Variants in NCAM1 observed in about 807,000 individuals in gnomAD.
NCAM1 encodes the protein antigen recognized by monoclonal antibody 5.1H11.
A neutral mutation model predicts 109.8 loss-of-function variants in NCAM1; 14 were observed. The ratio of observed to expected loss-of-function variants is 0.13; its 90% CI spans 0.08 to 0.20. The LOEUF (loss-of-function observed/expected upper bound fraction) is 0.20. Ranked by LOEUF, NCAM1 falls within the 10% of genes least tolerant of loss-of-function variation. NCAM1 has a pLI of 1.00. For synonymous variants in NCAM1, 418 were observed against 442.9 expected, an observed-to-expected ratio of 0.94 and a Z score of 0.70; for missense variants, 774 against 1,109.9, an observed-to-expected ratio of 0.70 and a Z score of 4.30.
intron 1 of NCAM1, among the ~76,000 whole-genome samples, chr11:113,187,825 A>T (rs1943560157): frequency 1.3e-5 from 2 of 152,152 alleles, no homozygotes; most frequent in East Asian, 3.8e-4. Context: ...TTCTCGGGCC[A>T]TTTATTCTGG....
intron 1 of NCAM1, among the ~76,000 whole-genome samples, chr11:113,177,332 G>A (rs1202320709): frequency 6.6e-6 from 1 of 152,138 alleles, no homozygotes; most frequent in African/African-American, 2.4e-5. Flanking sequence ...CCTACCTTAT[G>A]TGGGCTGAAA....
Position 113,273,298 on chromosome 11 carries a change from C to T in NCAM1, c.2456+1422C>T, listed in dbSNP as rs1591479350. On this transcript the variant is annotated intron_variant, in intron 19 of 19. Coordinates refer to ENST00000316851, the MANE Select transcript of NCAM1 (RefSeq NM_181351.5). This position sits in a 1 kb window ranked among gnomAD's most constrained non-coding sequence, Gnocchi z 6.0. ...CAAGGGGCTGTCCTCAGCCCAAGCGCCCCTGCTGGTGTCGGGGAGGCCTCT... is the reference window on the plus strand; with the variant it reads ...CAAGGGGCTGTCCTCAGCCCAAGCGTCCCTGCTGGTGTCGGGGAGGCCTCT... 2.9e-6 allele frequency: 1 copy of T among 349,010 alleles called. No homozygotes were observed. Among genetic ancestry groups the T allele is most frequent in the East Asian group, 7.6e-5 (1 of 13,194 alleles). 21.6% of individuals were successfully genotyped at this position (349,010 alleles called of 1,614,324 possible). A position where few individuals can be genotyped will look rare whatever the true frequency, so the allele number is the denominator to read the frequency against.
In NCAM1 at chr11:112,961,533, G is replaced by T. The variant is rs1241829883; in HGVS notation, c.-80G>T. 4 of 924,936 alleles carry T rather than the reference G, an allele frequency of 4.3e-6. No individual in the cohort carries two copies. The highest frequency in any genetic ancestry group is 3.4e-5 in the Admixed American group (2 of 58,846). 57.3% of individuals were successfully genotyped at this position (924,936 alleles called of 1,614,324 possible). A position where few individuals can be genotyped will look rare whatever the true frequency, so the allele number is the denominator to read the frequency against. On this transcript the variant is annotated 5_prime_UTR_variant, in exon 1 of 20. Coordinates refer to ENST00000316851, the MANE Select transcript of NCAM1 (RefSeq NM_181351.5). The stretch of plus-strand genomic sequence containing the variant: ...TGTCTGCCCCTAGGTCTGTCGCTCA[G>T]CCGCCGTCCACACTCGCTGCAGGGG...
intron 1 of NCAM1, among the ~76,000 whole-genome samples, chr11:113,183,096 C>T (rs782820123): frequency 2.0e-5 from 3 of 152,204 alleles, no homozygotes; most frequent in Non-Finnish European, 4.4e-5. Flanking sequence ...GAGCTGAGAC[C>T]TTCCTGGCAA....
At chr11:113,116,261 A>G (rs1940704124) in intron 1 of NCAM1, among the ~76,000 whole-genome samples, 1 of 152,226 alleles carries the variant, frequency 6.6e-6, no homozygotes, top group Non-Finnish European at 1.5e-5. Context: ...CTTGAGTACT[A>G]TCTATTTTTC....
intron 1 of NCAM1, among the ~76,000 whole-genome samples, chr11:113,197,850 C>T (rs994666378): frequency 6.6e-6 from 1 of 152,118 alleles, no homozygotes; most frequent in African/African-American, 2.4e-5. Flanking sequence ...GTTGCTTTGC[C>T]CACCTCTTCT....
intron 1 of NCAM1, among the ~76,000 whole-genome samples, chr11:113,000,817 C>CATACATAT (rs1951728419): frequency 7.7e-6 from 1 of 129,458 alleles, no homozygotes; most frequent in African/African-American, 3.2e-5. Flanking sequence ...ATTATATATA[C>CATACATAT]ATATATATAT....
chr11:113,130,737 A>T (rs910751745), intron 1 of NCAM1: 3 of 152,198 alleles, frequency 2.0e-5, no homozygotes, highest in African/African-American at 7.2e-5. Flanking sequence ...AGTAGTACAC[A>T]TTGCAACTGC....
At chr11:113,214,805 G>A (rs1272471504) in intron 8 of NCAM1, among the ~76,000 whole-genome samples, 3 of 152,178 alleles carry the variant, frequency 2.0e-5, no homozygotes, top group Non-Finnish European at 2.9e-5. Context: ...CAGAGTTATG[G>A]AGCTGTGAGG....
At chr11:113,100,310 C>G (rs1358525947) in intron 1 of NCAM1, among the ~76,000 whole-genome samples, 1 of 152,068 alleles carries the variant, frequency 6.6e-6, no homozygotes, top group Non-Finnish European at 1.5e-5. Flanking sequence ...CTTTTGGGCT[C>G]TGGCCCCACA....
At chr11:113,231,561 C>T (rs1945006347) in intron 9 of NCAM1, 84 bp from the exon 10 acceptor site, 6 of 1,380,528 alleles carry the variant, frequency 4.3e-6, no homozygotes. Context: ...GGCCTAGTCT[C>T]CCAGCCCCCA....
At chr11:113,141,447 C>G (rs1442784470) in intron 1 of NCAM1, among the ~76,000 whole-genome samples, 5 of 152,080 alleles carry the variant, frequency 3.3e-5, no homozygotes, top group Non-Finnish European at 7.4e-5. Flanking sequence ...CTGGCTAACA[C>G]GGTGAAACCC....
chr11:113,065,314 A>G (rs1937897188), intron 1 of NCAM1, among the ~76,000 whole-genome samples: 1 of 152,240 alleles, frequency 6.6e-6, no homozygotes, highest in Non-Finnish European at 1.5e-5. Context: ...CACATGCAAA[A>G]GAATTTTAAA....
chr11:113,166,785 G>A (rs1942813319), intron 1 of NCAM1, among the ~76,000 whole-genome samples: 1 of 152,056 alleles, frequency 6.6e-6, no homozygotes, highest in African/African-American at 2.4e-5. Context: ...AAAAAACACT[G>A]GCTCTATTCT....
At position 113,101,491 on chromosome 11, in the gene NCAM1, A is replaced by T. The variant is rs545511422; in HGVS notation, c.53-100888A>T. 2.6e-5 allele frequency among the ~76,000 whole-genome samples: 4 copies of T among 152,170 alleles called. No homozygotes were observed. In the South Asian group the frequency reaches 8.3e-4, roughly 32 times the overall value. On this transcript the variant is annotated intron_variant, in intron 1 of 19. Coordinates refer to ENST00000316851, the MANE Select transcript of NCAM1 (RefSeq NM_181351.5). The stretch of plus-strand genomic sequence containing the variant: ...GTTCTAAATTATGGTTGCATTGTGT[A>T]TTGTGTATTGCTCCTTAATTATAAA...
chr11:113,248,654 AC>A (rs1167413075), intron 15 of NCAM1, among the ~76,000 whole-genome samples: 40 of 152,082 alleles, frequency 2.6e-4, no homozygotes, highest in African/African-American at 8.9e-4. Context: ...AAAAAAGAAA[AC>A]TGCCTGGGAT....
rs1196281692 is a variant in NCAM1, at chr11:113,176,798, A to G, written c.53-25581A>G. 2.0e-5 allele frequency among the ~76,000 whole-genome samples: 3 copies of G among 152,128 alleles called. No homozygotes were observed. The East Asian group carries it at 5.8e-4, about 29-fold the overall frequency. ...GCCAAATTTAGCTTAACAAATTCCT[A>G]AAGGCAAATACAAGAAATGCTTTCC... On this transcript the variant is annotated intron_variant, in intron 1 of 19. Coordinates refer to ENST00000316851, the MANE Select transcript of NCAM1 (RefSeq NM_181351.5).
intron 1 of NCAM1, among the ~76,000 whole-genome samples, chr11:113,060,647 C>T (rs1200275114): frequency 1.3e-5 from 2 of 152,124 alleles, no homozygotes; most frequent in African/African-American, 4.8e-5. Context: ...CGGAAGGTTT[C>T]CCATTGCTTC....
rs547779485 is a variant in NCAM1 at position 113,001,568 on chromosome 11, G to A, written c.52+39904G>A. The stretch of plus-strand genomic sequence containing the variant: ...TAGCACAGCAAAGTCTGGAACTTGG[G>A]TGTGTCTGGTTGTGAAGCTGGCTCT... On this transcript the variant is annotated intron_variant, in intron 1 of 19. Coordinates refer to ENST00000316851, the MANE Select transcript of NCAM1 (RefSeq NM_181351.5). Among the ~76,000 whole-genome samples, 36 of 152,270 alleles carry A rather than the reference G, an allele frequency of 2.4e-4. No homozygotes were observed. The South Asian group carries it at 7.5e-3, about 32-fold the overall frequency.
Sources: allele counts gnomAD v4.1 joint callset (sites outside exome capture counted in the v4.1 genomes callset), GRCh38; gene constraint gnomAD v4.1.1; non-coding constraint Gnocchi (gnomAD v3.1); transcripts MANE v1.5; gene names NCBI Gene and HGNC (gene_info 2026-07-23, HGNC 2026-07-21).